The following PAX5 variants were observed in gnomAD, a reference collection of about 807,000 sequenced individuals.
The protein encoded by PAX5 is paired box 5.
A neutral mutation model predicts 43.7 loss-of-function variants in PAX5; 9 were observed. The ratio of observed to expected loss-of-function variants is 0.21; its 90% CI spans 0.12 to 0.36. The LOEUF (loss-of-function observed/expected upper bound fraction) is 0.36. Among genes scored for constraint, PAX5 ranks in the 10% least tolerant of loss-of-function variants. The pLI is 1.00. For missense variants in PAX5, 383 were observed against 532.7 expected (o/e 0.72, Z 2.77); for synonymous variants, 228 against 214.3 (o/e 1.06, Z -0.56).
chr9:36,847,806 T>C (rs1222462099), intron 8 of PAX5, among the ~76,000 whole-genome samples: 1 of 152,182 alleles, frequency 6.6e-6, no homozygotes, highest in African/African-American at 2.4e-5. Flanking sequence ...GGAGAGCCTC[T>C]TTACTACTGG....
Position 36,882,428 on chromosome 9 carries a change from C to A in PAX5, c.911-323G>T, listed in dbSNP as rs1047112013. The stretch of plus-strand genomic sequence containing the variant: ...ATGCAGGTGACAGCACGCCCCGACT[C>A]CAGCCAGCTCTCCCTACTCTCTACT... On this transcript the variant is annotated intron_variant, in intron 7 of 9. Coordinates refer to ENST00000358127, the MANE Select transcript of PAX5 (RefSeq NM_016734.3). This position sits in a 1 kb window ranked among gnomAD's most constrained non-coding sequence, Gnocchi z 4.4. Among the ~76,000 whole-genome samples, 2 of 152,246 alleles carry A rather than the reference C, an allele frequency of 1.3e-5. No homozygotes were observed. The highest frequency in any genetic ancestry group is 4.8e-5 in the African/African-American group (2 of 41,556).
At chr9:36,850,815 A>C (rs1823088189) in intron 8 of PAX5, among the ~76,000 whole-genome samples, 1 of 152,236 alleles carries the variant, frequency 6.6e-6, no homozygotes, top group African/African-American at 2.4e-5. Context: ...AACCCCTAAG[A>C]ACTCTTTCAA....
intron 6 of PAX5, among the ~76,000 whole-genome samples, chr9:36,948,567 G>A (rs1214616643): frequency 6.6e-6 from 1 of 152,176 alleles, no homozygotes; most frequent in Non-Finnish European, 1.5e-5. Flanking sequence ...TTCTAAAAGT[G>A]ATACAAATTG....
Position 36,836,931 on chromosome 9 carries a change from T to G in PAX5, c.*3629A>C. On this transcript the variant is annotated 3_prime_UTR_variant, in exon 10 of 10. Coordinates refer to ENST00000358127, the MANE Select transcript of PAX5 (RefSeq NM_016734.3). ...CCTCAGGGACAGCTGGGAAAGAGTC[T>G]GGATGAAACCTCAGAAGCACTGTTG... The G allele has an allele frequency of 4.3e-6, 1 of 232,662 alleles. No individual in the cohort carries two copies. 14.4% of individuals were successfully genotyped at this position (232,662 alleles called of 1,614,324 possible).
rs1826911971 is a variant in PAX5, at chr9:36,886,394, ATG to A, written c.911-4291_911-4290del. ...ACGCCTGGTTGGGGAACCCAGTCTT[ATG>A]AATTCAAGCCTCAGATCTGCTCTGA... On this transcript the variant is annotated intron_variant, in intron 7 of 9. Coordinates refer to ENST00000358127, the MANE Select transcript of PAX5 (RefSeq NM_016734.3). Among the ~76,000 whole-genome samples, 11 of 152,316 alleles carry A rather than the reference ATG, an allele frequency of 7.2e-5. No individual in the cohort carries two copies. In the South Asian group the frequency reaches 2.1e-3, roughly 29 times the overall value.
chr9:36,927,026 T>C (rs1448180105), intron 6 of PAX5, among the ~76,000 whole-genome samples: 1 of 151,898 alleles, frequency 6.6e-6, no homozygotes, highest in Non-Finnish European at 1.5e-5. Flanking sequence ...GGCTCAGAGG[T>C]AATAGGACAA....
intron 1 of PAX5, among the ~76,000 whole-genome samples, chr9:37,031,477 C>T (rs1023033024): frequency 1.3e-5 from 2 of 152,130 alleles, no homozygotes; most frequent in South Asian, 2.1e-4. Flanking sequence ...CAGGTCTGCC[C>T]GGATCTAAGG....
intron 8 of PAX5, among the ~76,000 whole-genome samples, chr9:36,867,091 C>T (rs1020445977): frequency 6.6e-6 from 1 of 151,630 alleles, no homozygotes; most frequent in Admixed American, 6.6e-5. Context: ...TCTCCTGCTT[C>T]CCAAGGCTAG....
intron 7 of PAX5, among the ~76,000 whole-genome samples, chr9:36,910,627 C>T (rs137961836): frequency 6.6e-6 from 1 of 152,202 alleles, no homozygotes; most frequent in Admixed American, 6.5e-5. Flanking sequence ...AGCATAGATG[C>T]CCGCCTGGAC....
chr9:36,863,840 G>T (rs967538900), intron 8 of PAX5, among the ~76,000 whole-genome samples: 2 of 152,246 alleles, frequency 1.3e-5, no homozygotes, highest in Admixed American at 6.5e-5. Context: ...GCCGGGCGCA[G>T]TGGCTCACGC....
chr9:36,896,927 G>A (rs1382649740), intron 7 of PAX5, among the ~76,000 whole-genome samples: 1 of 152,174 alleles, frequency 6.6e-6, no homozygotes, highest in Non-Finnish European at 1.5e-5. Context: ...AGAGGTGAAG[G>A]GTCCTGCGCA....
At chr9:36,960,580 G>A (rs112604715) in intron 6 of PAX5, among the ~76,000 whole-genome samples, 106 of 152,316 alleles carry the variant, frequency 7.0e-4, no homozygotes, top group South Asian at 2.5e-3. Context: ...AACGGTAGTC[G>A]CAGGAACAGG....
At chr9:36,905,403 T>G (rs1828730827) in intron 7 of PAX5, among the ~76,000 whole-genome samples, 1 of 152,068 alleles carries the variant, frequency 6.6e-6, no homozygotes. Context: ...AAAACTGAGG[T>G]TCAGAGAGGG....
chr9:37,019,382 GCCCCCACAGCTCAGGTAAC>G (rs1283175506), intron 2 of PAX5, among the ~76,000 whole-genome samples: 1 of 152,134 alleles, frequency 6.6e-6, no homozygotes, highest in Non-Finnish European at 1.5e-5. Context: ...GAAGCCCACA[GCCCCCACAGCTCAGGTAAC>G]CTGCACTGGG....
At chr9:36,916,189 T>C (rs1227013103) in intron 7 of PAX5, among the ~76,000 whole-genome samples, 1 of 152,180 alleles carries the variant, frequency 6.6e-6, no homozygotes, top group Non-Finnish European at 1.5e-5. Context: ...ACAGGCCCAA[T>C]TGTCTCAACG....
chr9:36,924,248 C>A (rs527584010), intron 6 of PAX5, among the ~76,000 whole-genome samples: 1 of 152,206 alleles, frequency 6.6e-6, no homozygotes, highest in South Asian at 2.1e-4. Flanking sequence ...AGCCATTTCA[C>A]GAAATCAGAG....
intron 7 of PAX5, among the ~76,000 whole-genome samples, chr9:36,898,948 C>T (rs893751756): frequency 5.9e-5 from 9 of 152,146 alleles, no homozygotes; most frequent in Admixed American, 2.6e-4. Context: ...TGAACCCCTG[C>T]CTGGCTCCAG....
At chr9:36,901,871 G>A (rs895611528) in intron 7 of PAX5, among the ~76,000 whole-genome samples, 1 of 152,168 alleles carries the variant, frequency 6.6e-6, no homozygotes, top group Non-Finnish European at 1.5e-5. Flanking sequence ...AATAACAGAT[G>A]TAAAATCACT....
chr9:36,923,306 A>C (rs865855179), intron 7 of PAX5, 49 bp downstream of exon 7: 1 of 1,558,976 alleles, frequency 6.4e-7, no homozygotes, highest in African/African-American at 1.4e-5. Flanking sequence ...ACACACTCCT[A>C]TCTCTCTCTC....
Sources: allele counts gnomAD v4.1 joint callset (sites outside exome capture counted in the v4.1 genomes callset), GRCh38; gene constraint gnomAD v4.1.1; non-coding constraint Gnocchi (gnomAD v3.1); transcripts MANE v1.5; gene names NCBI Gene and HGNC (gene_info 2026-07-23, HGNC 2026-07-21).